Variants in NFYC observed in about 807,000 individuals in gnomAD.
NFYC encodes the protein nuclear transcription factor Y subunit gamma.
Under a neutral mutation model 53.1 loss-of-function variants are expected in NFYC, and 25 were observed. The ratio of observed to expected loss-of-function variants is 0.47; its 90% CI spans 0.34 to 0.66. The LOEUF (loss-of-function observed/expected upper bound fraction) is 0.66, where lower values mean the gene tolerates loss of function less well. Ranked by LOEUF, NFYC falls within the 30% of genes least tolerant of loss-of-function variation. The pLI is 0.01. For synonymous variants in NFYC, 145 were observed against 152.6 expected (o/e 0.95, Z 0.37); for missense variants, 260 against 422.7 (o/e 0.62, Z 3.38).
At chr1:40,716,494 C>T (rs1272365220) in intron 1 of NFYC, among the ~76,000 whole-genome samples, 1 of 152,096 alleles carries the variant, frequency 6.6e-6, no homozygotes, top group African/African-American at 2.4e-5. Flanking sequence ...TAGATTGGGT[C>T]AGATGTTGAA....
At chr1:40,739,020 C>T in intron 2 of NFYC, 72 bp downstream of exon 2, 1 of 1,058,412 alleles carries the variant, frequency 9.4e-7, no homozygotes, top group Non-Finnish European at 1.4e-6. Flanking sequence ...TTAACCAAAA[C>T]TCAGACTAAA....
chr1:40,698,038 C>T (rs1643242763), intron 1 of NFYC, among the ~76,000 whole-genome samples: 1 of 152,142 alleles, frequency 6.6e-6, no homozygotes, highest in Non-Finnish European at 1.5e-5. Context: ...TTGAATGTTT[C>T]CAGTAGAATA....
In NFYC at chr1:40,769,392, T is replaced by C. The variant is rs1646974670; in HGVS notation, c.865T>C (p.Phe289Leu). The change falls in exon 9 of 10, where the codon TTC becomes CTC. Residue 289 changes from phenylalanine to leucine, a missense_variant. Transcript: ENST00000447388. ...AGAGGTCCAGCAAGGACAGCAGCAGTTCAGCCAGTTCACAGATGGACAGGT... is the reference window on the plus strand; with the variant it reads ...AGAGGTCCAGCAAGGACAGCAGCAGCTCAGCCAGTTCACAGATGGACAGGT... ...QTEVQQGQQQ[F>L]SQFTDGQQLY... 1.2e-6 allele frequency: 2 copies of C among 1,613,924 alleles called. No individual in the cohort carries two copies. Among genetic ancestry groups the C allele is most frequent in the African/African-American group, 1.3e-5 (1 of 74,912 alleles).
intron 2 of NFYC, among the ~76,000 whole-genome samples, chr1:40,741,635 C>G (rs1645351458): frequency 6.6e-6 from 1 of 151,258 alleles, no homozygotes; most frequent in African/African-American, 2.4e-5. Flanking sequence ...CAGGGTCTCA[C>G]TCTGTCATCC....
In NFYC at chr1:40,738,902, A is replaced by G; in HGVS notation, c.59A>G (p.Gln20Arg). Residue 20 changes from glutamine (Q) to arginine (R), a missense_variant, in exon 2 of 10, where the codon CAG (glutamine) becomes CGG (arginine). By Grantham distance (43) the Gln-to-Arg change is conservative. Transcript: ENST00000447388. ...AGCAGTGATGCCCAGCAAAGCCTAC[A>G]GTCGTTCTGGCCTCGGGTCATGGAA... ...TSSSDAQQSL[Q>R]SFWPRVMEEI... The G allele has an allele frequency of 6.2e-7, 1 of 1,614,192 alleles. No homozygotes were observed. Among genetic ancestry groups the G allele is most frequent in the Non-Finnish European group, 8.5e-7 (1 of 1,179,992 alleles).
chr1:40,710,282 T>A (rs1020955867), intron 1 of NFYC, among the ~76,000 whole-genome samples: 4 of 152,256 alleles, frequency 2.6e-5, no homozygotes, highest in African/African-American at 9.6e-5. Context: ...TTCACACATT[T>A]TGTCAGGTGT....
At chr1:40,709,103 A>G (rs1643856919) in intron 1 of NFYC, among the ~76,000 whole-genome samples, 1 of 152,228 alleles carries the variant, frequency 6.6e-6, no homozygotes, top group African/African-American at 2.4e-5. Flanking sequence ...TGCTATGTGC[A>G]TTTGCCAGAC....
intron 1 of NFYC, among the ~76,000 whole-genome samples, chr1:40,717,173 T>C (rs1434515061): frequency 6.6e-6 from 1 of 152,038 alleles, no homozygotes; most frequent in Admixed American, 6.5e-5. Flanking sequence ...AGAAAGAGAA[T>C]TGACAGAAGA....
intron 2 of NFYC, among the ~76,000 whole-genome samples, chr1:40,741,078 A>G (rs1314862648): frequency 2.6e-5 from 4 of 152,294 alleles, no homozygotes; most frequent in South Asian, 2.1e-4. Context: ...CTGTGCACTC[A>G]ATAAACAGCC....
At chr1:40,752,248 G>C (rs912463360) in intron 4 of NFYC, among the ~76,000 whole-genome samples, 2 of 152,116 alleles carry the variant, frequency 1.3e-5, no homozygotes, top group African/African-American at 4.8e-5. Context: ...CATCCTTCAA[G>C]TAATCTGTTT....
rs1357331480 is a variant in NFYC at position 40,770,580 on chromosome 1, C to G, written c.889-129C>G. Reference sequence around the variant, plus strand: ...ACCCCAGCAGAGCTCCACTTCCCCTCCTCCTTCTGACGCCTTGCAGTGGGT... The same window carrying G: ...ACCCCAGCAGAGCTCCACTTCCCCTGCTCCTTCTGACGCCTTGCAGTGGGT... On this transcript the variant is annotated intron_variant, in intron 9 of 9. Transcript: ENST00000447388. The surrounding 1 kb of genome is among the most constrained non-coding windows in gnomAD (Gnocchi z 5.3). 7.5e-6 allele frequency: 12 copies of G among 1,609,652 alleles called. No homozygotes were observed. Among genetic ancestry groups the G allele is most frequent in the African/African-American group, 1.3e-5 (1 of 74,768 alleles).
At chr1:40,767,027 G>A (rs1341768925) in intron 8 of NFYC, 7 of 1,519,556 alleles carry the variant, frequency 4.6e-6, no homozygotes, top group Non-Finnish European at 6.3e-6. Context: ...CTGATCGTCA[G>A]GCTGTTTCCA....
chr1:40,696,815 T>C (rs1340145049), intron 1 of NFYC, among the ~76,000 whole-genome samples: 2 of 152,262 alleles, frequency 1.3e-5, no homozygotes, highest in African/African-American at 4.8e-5. Context: ...TTGTGAGTTA[T>C]CTGATGTCTT....
chr1:40,738,548 C>G (rs890902494), intron 1 of NFYC, among the ~76,000 whole-genome samples: 2 of 152,116 alleles, frequency 1.3e-5, no homozygotes, highest in Non-Finnish European at 2.9e-5. Flanking sequence ...GTTAAAAGTC[C>G]TTGATTAACA....
At chr1:40,698,032 A>G (rs994877051) in intron 1 of NFYC, among the ~76,000 whole-genome samples, 3 of 152,194 alleles carry the variant, frequency 2.0e-5, no homozygotes, top group Non-Finnish European at 4.4e-5. Flanking sequence ...TTGCATTTGA[A>G]TGTTTCCAGT....
chr1:40,742,347 A>C (rs961590819), intron 2 of NFYC, among the ~76,000 whole-genome samples: 3 of 151,990 alleles, frequency 2.0e-5, no homozygotes, highest in Admixed American at 6.6e-5. Context: ...GCTGTGTTAC[A>C]TGAGTGTGCA....
intron 5 of NFYC, among the ~76,000 whole-genome samples, chr1:40,753,785 G>A (rs1646047596): frequency 6.6e-6 from 1 of 152,112 alleles, no homozygotes; most frequent in South Asian, 2.1e-4. Context: ...TGGAGCCCAG[G>A]CATCAGTACC....
Position 40,757,945 on chromosome 1 carries a change from T to G in NFYC, c.388-176T>G. The G allele has an allele frequency of 6.1e-6, 4 of 656,472 alleles. No homozygotes were observed. In the South Asian group the frequency reaches 7.8e-5, roughly 13 times the overall value. The allele number at this position is 656,472 out of a possible 1,614,324, so 40.7% of individuals were successfully genotyped here. On this transcript the variant is annotated intron_variant, in intron 5 of 9. Coordinates refer to ENST00000447388, the MANE Select transcript of NFYC (RefSeq NM_014223.5). The stretch of plus-strand genomic sequence containing the variant: ...AGCCTATAGGATCTGTTATTTTTAG[T>G]TTGATTTAGCATAACTGGTCTCTTT...
chr1:40,759,551 A>G (rs1043303339), intron 6 of NFYC, among the ~76,000 whole-genome samples: 1 of 107,034 alleles, frequency 9.3e-6, no homozygotes, highest in Non-Finnish European at 1.9e-5. Flanking sequence ...AAAAACAAAA[A>G]AAAGTATATG....
Sources: allele counts gnomAD v4.1 joint callset (sites outside exome capture counted in the v4.1 genomes callset), GRCh38; gene constraint gnomAD v4.1.1; non-coding constraint Gnocchi (gnomAD v3.1); transcripts MANE v1.5; gene names NCBI Gene and HGNC (gene_info 2026-07-23, HGNC 2026-07-21).